RIT2: variants seen among roughly 807,000 people sequenced by gnomAD.
RIT2 encodes the protein Ras like without CAAX 2, also known as GTP-binding protein Rit2.
In RIT2, 24 loss-of-function variants were observed where a neutral mutation model predicts 23.7. The observed-to-expected ratio is 1.01, with a 90% CI of 0.73 to 1.43. The LOEUF (loss-of-function observed/expected upper bound fraction) is 1.43. RIT2 is among the 40% of genes most tolerant of loss of function. RIT2 has a pLI of 0.00. For synonymous variants in RIT2, 107 were observed against 91.1 expected, an observed-to-expected ratio of 1.17 and a Z score of -0.99; for missense variants, 236 against 266.9, an observed-to-expected ratio of 0.88 and a Z score of 0.81.
At chr18:42,826,105 A>G (rs916883777) in intron 4 of RIT2, among the ~76,000 whole-genome samples, 17 of 152,040 alleles carry the variant, frequency 1.1e-4, no homozygotes, top group Admixed American at 6.5e-4. Flanking sequence ...TAATTAGTCA[A>G]TTAAAATTAT....
chr18:42,772,085 T>C (rs1913565163), intron 4 of RIT2, among the ~76,000 whole-genome samples: 1 of 152,052 alleles, frequency 6.6e-6, no homozygotes, highest in African/African-American at 2.4e-5. Context: ...TGAGAAGTTA[T>C]CCAATGACAG....
chr18:43,059,719 T>C (rs771586136), intron 1 of RIT2, among the ~76,000 whole-genome samples: 2 of 152,200 alleles, frequency 1.3e-5, no homozygotes, highest in Non-Finnish European at 2.9e-5. Flanking sequence ...CTCCATGAAA[T>C]GTGAAATTTC....
At chr18:43,099,139 G>C (rs1913623674) in intron 1 of RIT2, among the ~76,000 whole-genome samples, 1 of 152,032 alleles carries the variant, frequency 6.6e-6, no homozygotes, top group African/African-American at 2.4e-5. Flanking sequence ...TTTGGTAATT[G>C]TAATTTCCTT....
At chr18:42,996,985 A>G (rs537829182) in intron 2 of RIT2, among the ~76,000 whole-genome samples, 1 of 152,114 alleles carries the variant, frequency 6.6e-6, no homozygotes, top group East Asian at 1.9e-4. Context: ...TCTCTTCCCC[A>G]CAGCAGCAAT....
At chr18:42,772,805 C>T (rs1191322942) in intron 4 of RIT2, among the ~76,000 whole-genome samples, 1 of 152,068 alleles carries the variant, frequency 6.6e-6, no homozygotes, top group Non-Finnish European at 1.5e-5. Flanking sequence ...TCAGCCTCAC[C>T]CCCGAAACTC....
intron 4 of RIT2, among the ~76,000 whole-genome samples, chr18:42,903,154 C>T (rs1445368858): frequency 6.6e-6 from 1 of 151,916 alleles, no homozygotes; most frequent in African/African-American, 2.4e-5. Context: ...AAAAAATGGA[C>T]AAATTTTCAT....
chr18:43,111,010 C>A (rs143949233), intron 1 of RIT2, among the ~76,000 whole-genome samples: 114 of 152,184 alleles, frequency 7.5e-4, no homozygotes, highest in African/African-American at 2.7e-3. Flanking sequence ...CTAATTTATG[C>A]AGCACTAGCA....
intron 4 of RIT2, among the ~76,000 whole-genome samples, chr18:42,870,228 A>G (rs1160919759): frequency 6.6e-6 from 1 of 152,204 alleles, no homozygotes; most frequent in Non-Finnish European, 1.5e-5. Context: ...TCTTCCTAAT[A>G]CTAGACTCAG....
At chr18:42,810,681 T>C (rs1905827225) in intron 4 of RIT2, among the ~76,000 whole-genome samples, 1 of 151,978 alleles carries the variant, frequency 6.6e-6, no homozygotes, top group Non-Finnish European at 1.5e-5. Flanking sequence ...ACGTTAAATT[T>C]CTTTACTCCA....
At chr18:42,893,311 A>AAAT in intron 4 of RIT2, among the ~76,000 whole-genome samples, 1 of 152,232 alleles carries the variant, frequency 6.6e-6, no homozygotes, top group East Asian at 1.9e-4. Context: ...TGCAAATAAT[A>AAAT]AATATTTATT....
intron 2 of RIT2, among the ~76,000 whole-genome samples, chr18:43,004,031 T>A (rs746160979): frequency 6.6e-6 from 1 of 151,774 alleles, no homozygotes; most frequent in Non-Finnish European, 1.5e-5. Flanking sequence ...GTACTGATTT[T>A]TCCCCCCGCC....
intron 2 of RIT2, among the ~76,000 whole-genome samples, chr18:43,011,478 CTTTTA>C (rs138960756): frequency 0.078 from 11,851 of 151,576 alleles, 703 homozygotes; most frequent in East Asian, 0.25. Flanking sequence ...CTAGCTCCAC[CTTTTA>C]TTTTATTTTA....
At chr18:42,797,262 C>A (rs1905391656) in intron 4 of RIT2, among the ~76,000 whole-genome samples, 1 of 152,038 alleles carries the variant, frequency 6.6e-6, no homozygotes, top group Admixed American at 6.6e-5. Flanking sequence ...CTTAAAAAAT[C>A]AGAAAGTCCA....
chr18:42,887,241 T>G (rs1908045960), intron 4 of RIT2, among the ~76,000 whole-genome samples: 1 of 152,148 alleles, frequency 6.6e-6, no homozygotes, highest in African/African-American at 2.4e-5. Flanking sequence ...AGTAAGTAAT[T>G]AATAAATATC....
intron 4 of RIT2, among the ~76,000 whole-genome samples, chr18:42,800,058 C>G (rs896547249): frequency 6.6e-6 from 1 of 152,146 alleles, no homozygotes; most frequent in African/African-American, 2.4e-5. Flanking sequence ...ATCTCTGGCA[C>G]TTTGAAAAGC....
intron 4 of RIT2, among the ~76,000 whole-genome samples, chr18:42,826,569 C>T (rs1400543200): frequency 3.3e-5 from 5 of 151,988 alleles, no homozygotes; most frequent in Non-Finnish European, 5.9e-5. Flanking sequence ...AGAATTATTT[C>T]CATGAAAGCA....
intron 4 of RIT2, among the ~76,000 whole-genome samples, chr18:42,828,111 G>GTC (rs1406635118): frequency 6.6e-6 from 1 of 151,218 alleles, no homozygotes; most frequent in Non-Finnish European, 1.5e-5. Context: ...TTTGACAATC[G>GTC]TAAGTGCTGA....
intron 1 of RIT2, among the ~76,000 whole-genome samples, chr18:43,065,803 C>T (rs1443556587): frequency 1.3e-5 from 2 of 151,964 alleles, no homozygotes; most frequent in African/African-American, 4.8e-5. Flanking sequence ...AGAGGGAAGA[C>T]ATGAACAATA....
chr18:42,801,742 T>A (rs953485732), intron 4 of RIT2, among the ~76,000 whole-genome samples: 2 of 152,112 alleles, frequency 1.3e-5, no homozygotes. Context: ...ACTGTCATTC[T>A]TTCTTTCTTT....
Sources: gnomAD v4.1 joint callset for allele counts (sites outside exome capture counted in the v4.1 genomes callset) on GRCh38, gnomAD v4.1.1 for gene constraint, MANE v1.5 for transcripts, NCBI Gene and HGNC (gene_info 2026-07-23, HGNC 2026-07-21) for gene names.